The following OR6N1 variants were observed in gnomAD, a reference collection of about 807,000 sequenced individuals.
OR6N1 encodes the protein olfactory receptor 6N1.
For missense variants in OR6N1, 394 were observed against 371.7 expected (o/e 1.06, Z -0.49); for synonymous variants, 170 against 150.7 (o/e 1.13, Z -0.94).
the OR6N1 span, among the ~76,000 whole-genome samples, chr1:158,797,784 G>A: frequency 2.6e-5 from 4 of 152,010 alleles, no homozygotes; most frequent in Non-Finnish European, 2.9e-5. Flanking sequence ...TCACTGTTAG[G>A]CTATCTTTGT....
chr1:158,826,696 TG>T, the OR6N1 span, among the ~76,000 whole-genome samples: 1 of 151,924 alleles, frequency 6.6e-6, no homozygotes, highest in Non-Finnish European at 1.5e-5. Context: ...AAAGGAAGAG[TG>T]AGCTTTAATA....
At chr1:158,789,813 C>T in the OR6N1 span, among the ~76,000 whole-genome samples, 2 of 152,182 alleles carry the variant, frequency 1.3e-5, no homozygotes, top group African/African-American at 2.4e-5. Context: ...TGATTGTTTC[C>T]TTTGCTGTAC....
chr1:158,807,335 T>C, the OR6N1 span, among the ~76,000 whole-genome samples: 1 of 152,176 alleles, frequency 6.6e-6, no homozygotes, highest in African/African-American at 2.4e-5. Context: ...AGCAGTAAGA[T>C]CTGTAGGAAT....
the OR6N1 span, among the ~76,000 whole-genome samples, chr1:158,800,388 A>G: frequency 6.6e-6 from 1 of 152,174 alleles, no homozygotes; most frequent in African/African-American, 2.4e-5. Context: ...TTTCTCCACA[A>G]CATTAATTTT....
the OR6N1 span, among the ~76,000 whole-genome samples, chr1:158,829,922 C>T: frequency 6.6e-6 from 1 of 152,164 alleles, no homozygotes. Context: ...CAGGGCAACT[C>T]CCATTTTTTA....
Position 158,766,191 on chromosome 1 carries a change from T to G in OR6N1, c.492A>C (p.Ser164=), listed in dbSNP as rs1458443966. 4 of 1,613,936 alleles carry G rather than the reference T, an allele frequency of 2.5e-6. No homozygotes were observed. The highest frequency in any genetic ancestry group is 3.4e-6 in the Non-Finnish European group (4 of 1,180,022). The stretch of plus-strand genomic sequence containing the variant: ...GATTGGGGCCACAGAATGGGAGGCG[T>G]GAAATCAAGGAAATTTCAACTACTG... The part of the protein sequence containing the change: ...AGPVVEISLI[S]RLPFCGPNRI... Residue 164 remains serine (S), a synonymous_variant, in exon 2 of 2, where the codon TCA becomes TCC. Coordinates refer to ENST00000641846, the MANE Select transcript of OR6N1 (RefSeq NM_001005185.2).
the OR6N1 span, among the ~76,000 whole-genome samples, chr1:158,782,213 A>C: frequency 1.3e-5 from 2 of 152,240 alleles, no homozygotes; most frequent in Admixed American, 1.3e-4. Context: ...TGTGAGAATT[A>C]AGTAAGATTA....
the OR6N1 span, among the ~76,000 whole-genome samples, chr1:158,825,213 G>A: frequency 6.6e-6 from 1 of 152,284 alleles, no homozygotes. Context: ...CCTGAGGTGG[G>A]TGGATCACGA....
chr1:158,808,230 C>T, the OR6N1 span, among the ~76,000 whole-genome samples: 4 of 145,128 alleles, frequency 2.8e-5, no homozygotes, highest in African/African-American at 7.6e-5. Flanking sequence ...CTCCGCCTCC[C>T]GGGTTCACGC....
the OR6N1 span, among the ~76,000 whole-genome samples, chr1:158,795,749 C>G: frequency 6.6e-6 from 1 of 152,178 alleles, no homozygotes; most frequent in Non-Finnish European, 1.5e-5. Context: ...CAACAGTCTC[C>G]CCACTGTGGG....
chr1:158,801,385 A>C, the OR6N1 span, among the ~76,000 whole-genome samples: 1 of 152,150 alleles, frequency 6.6e-6, no homozygotes, highest in African/African-American at 2.4e-5. Flanking sequence ...TCAAAGTCAG[A>C]ACTGCAGGGT....
Position 158,764,926 on chromosome 1 carries a change from A to C in OR6N1, c.*818T>G, listed in dbSNP as rs896868384. The C allele has an allele frequency of 1.3e-5, 2 of 152,048 alleles. No homozygotes were observed. 9.4% of individuals were successfully genotyped at this position (152,048 alleles called of 1,614,324 possible). A position where few individuals can be genotyped will look rare whatever the true frequency, so the allele number is the denominator to read the frequency against. On this transcript the variant is annotated 3_prime_UTR_variant, in exon 2 of 2. Transcript: ENST00000641846. The stretch of plus-strand genomic sequence containing the variant: ...TACTTTTCAAGTATAGTATACTTGT[A>C]TACTATACAAGTATTCCTTCTGGCT...
the OR6N1 span, among the ~76,000 whole-genome samples, chr1:158,780,429 G>A: frequency 6.6e-6 from 1 of 152,152 alleles, no homozygotes; most frequent in South Asian, 2.1e-4. Context: ...TCTGGGATAA[G>A]CATTTTCAAA....
the OR6N1 span, among the ~76,000 whole-genome samples, chr1:158,803,886 T>G: frequency 6.6e-6 from 1 of 152,238 alleles, no homozygotes; most frequent in African/African-American, 2.4e-5. Context: ...TTACTTGGCA[T>G]TTATTCTGTA....
chr1:158,798,963 T>C, the OR6N1 span, among the ~76,000 whole-genome samples: 4 of 152,168 alleles, frequency 2.6e-5, no homozygotes, highest in African/African-American at 9.7e-5. Context: ...CTGTGCTACA[T>C]ATGCCCAGTT....
the OR6N1 span, among the ~76,000 whole-genome samples, chr1:158,805,989 A>G: frequency 3.3e-5 from 5 of 152,232 alleles, no homozygotes; most frequent in African/African-American, 7.2e-5. Flanking sequence ...AAGAATTGCT[A>G]TAACAGTTTT....
chr1:158,804,323 G>T, the OR6N1 span, among the ~76,000 whole-genome samples: 5 of 152,060 alleles, frequency 3.3e-5, no homozygotes, highest in Admixed American at 3.3e-4. Flanking sequence ...GGCACACTTG[G>T]TTCATCTGGG....
At chr1:158,778,887 G>A in the OR6N1 span, among the ~76,000 whole-genome samples, 2 of 151,716 alleles carry the variant, frequency 1.3e-5, no homozygotes, top group East Asian at 3.9e-4. Flanking sequence ...GCGTGGTGGC[G>A]GGCACCTGCA....
At chr1:158,797,592 C>T in the OR6N1 span, among the ~76,000 whole-genome samples, 119 of 152,106 alleles carry the variant, frequency 7.8e-4, 1 homozygote, top group Non-Finnish European at 8.8e-5. Context: ...TTTTGGTGAC[C>T]TAAGTCATAT....
Sources: gnomAD v4.1 joint callset for allele counts (sites outside exome capture counted in the v4.1 genomes callset) on GRCh38, gnomAD v4.1.1 for gene constraint, MANE v1.5 for transcripts, NCBI Gene and HGNC (gene_info 2026-07-23, HGNC 2026-07-21) for gene names.